Variants in BBS12 observed in about 807,000 individuals in gnomAD.
The protein encoded by BBS12 is chaperonin-containing T-complex member BBS12.
In BBS12, 5 loss-of-function variants were observed where a neutral mutation model predicts 5.6. That is an observed-to-expected ratio of 0.89 (90% CI 0.46 to 1.86). The LOEUF (loss-of-function observed/expected upper bound fraction) is 1.86. Ranked by LOEUF, BBS12 falls within the 40% of genes most tolerant of loss-of-function variation. The pLI is 0.01. For synonymous variants in BBS12, 308 were observed against 306.8 expected, an observed-to-expected ratio of 1.00 and a Z score of -0.04; for missense variants, 748 against 830.4, an observed-to-expected ratio of 0.90 and a Z score of 1.22.
rs767546051 is a variant in BBS12 at position 122,742,092 on chromosome 4, G to A, written c.200G>A (p.Gly67Glu). The change falls in exon 2 of 2, where the codon GGA becomes GAA. Residue 67 changes from glycine (G) to glutamate (E), a missense_variant. Physicochemically the swap from Gly to Glu is moderately conservative, Grantham distance 98. Transcript: ENST00000314218. ...AGTTTGGATTTAACCAGTGCAGTGG[G>A]ACAACTTCTCAATGAAGCAGTTCAA... ...LESLDLTSAV[G>E]QLLNEAVQAQ... 1.9e-5 allele frequency: 31 copies of A among 1,613,986 alleles called. No individual in the cohort carries two copies. Among genetic ancestry groups the A allele is most frequent in the Non-Finnish European group, 2.2e-5 (26 of 1,180,024 alleles).
At chr4:122,727,099 CA>C in the BBS12 span, among the ~76,000 whole-genome samples, 1 of 119,418 alleles carries the variant, frequency 8.4e-6, no homozygotes, top group Non-Finnish European at 1.7e-5. Flanking sequence ...GAAATAAAAA[CA>C]TTTTTTTAAA....
the BBS12 span, among the ~76,000 whole-genome samples, chr4:122,704,947 C>T: frequency 6.6e-6 from 1 of 152,160 alleles, no homozygotes; most frequent in African/African-American, 2.4e-5. Flanking sequence ...TTCTTCACAC[C>T]TTAACTTTGG....
chr4:122,706,584 A>G, the BBS12 span, among the ~76,000 whole-genome samples: 1 of 152,266 alleles, frequency 6.6e-6, no homozygotes, highest in Admixed American at 6.5e-5. Flanking sequence ...AAGAAAAAAA[A>G]ATTCCTAAGA....
In BBS12 at chr4:122,743,819, C is replaced by T; in HGVS notation, c.1927C>T (p.Leu643=). The change falls in exon 2 of 2, where the codon CTA becomes TTA. Residue 643 remains leucine, a synonymous_variant. Transcript: ENST00000314218. ...SSYILNEYSK[L]NSRIFNSDIS... The stretch of plus-strand genomic sequence containing the variant: ...TTACATCTTGAATGAATATAGTAAA[C>T]TAAATAGTAGAATTTTTAATTCAGA... 6.2e-7 allele frequency: 1 copy of T among 1,609,230 alleles called. No homozygotes were observed. Among genetic ancestry groups the T allele is most frequent in the South Asian group, 1.1e-5 (1 of 89,816 alleles).
In BBS12 at chr4:122,744,194, C is replaced by A; in HGVS notation, c.*169C>A. On this transcript the variant is annotated 3_prime_UTR_variant, in exon 2 of 2. Transcript: ENST00000314218. ...TCTGAGATTTTACCCTACTTATAAGCTAACAAGTTAGCCTGTTACTGTTTC... is the reference window on the plus strand; with the variant it reads ...TCTGAGATTTTACCCTACTTATAAGATAACAAGTTAGCCTGTTACTGTTTC... 1.4e-6 allele frequency: 1 copy of A among 713,128 alleles called. No individual in the cohort carries two copies. Among genetic ancestry groups the A allele is most frequent in the Non-Finnish European group, 2.3e-6 (1 of 426,334 alleles). 44.2% of individuals were successfully genotyped at this position (713,128 alleles called of 1,614,324 possible).
At chr4:122,728,407 A>T (rs1800652506), upstream of BBS12, 1 of 152,222 alleles carries the variant, frequency 6.6e-6, no homozygotes, top group Non-Finnish European at 1.5e-5. Context: ...CACAATGTGT[A>T]TAATATGCTA....
rs776730549 is a variant in BBS12 at position 122,743,466 on chromosome 4, G to C, written c.1574G>C (p.Arg525Pro). 6.2e-7 allele frequency: 1 copy of C among 1,614,094 alleles called. No individual in the cohort carries two copies. The highest frequency in any genetic ancestry group is 1.3e-5 in the African/African-American group (1 of 74,928). The change falls in exon 2 of 2, where the codon CGT becomes CCT. Residue 525 changes from arginine to proline, a missense_variant. Coordinates refer to ENST00000314218, the MANE Select transcript of BBS12 (RefSeq NM_152618.3). ...GATAGGTTCTGGACATGTGCCTATC[G>C]TTTGTATTATGCTCTAAAAGAGGAA... is the stretch of plus-strand genomic sequence containing the variant. The part of the protein sequence containing the change: ...KEDRFWTCAY[R>P]LYYALKEEKV...
chr4:122,707,715 G>A, the BBS12 span, among the ~76,000 whole-genome samples: 4 of 152,198 alleles, frequency 2.6e-5, no homozygotes, highest in Non-Finnish European at 5.9e-5. Context: ...TTAGAGGTAG[G>A]TAGAGATGGG....
chr4:122,743,184 G>A lies in BBS12; in HGVS notation c.1292G>A (p.Arg431Gln), dbSNP rs776216693. ...RLIEKCINSK[R>Q]LVIGSVNGSV... is the part of the protein sequence containing the mutation. ...ATTGAAAAATGTATAAACAGTAAGC[G>A]GTTGGTAATCGGCTCAGTGAATGGC... Residue 431 changes from arginine to glutamine, a missense_variant, in exon 2 of 2, where the codon CGG (arginine) becomes CAG (glutamine). By Grantham distance (43) the Arg-to-Gln change is conservative. Transcript: ENST00000314218. 5.6e-6 allele frequency: 9 copies of A among 1,614,156 alleles called. No homozygotes were observed. Among genetic ancestry groups the A allele is most frequent in the East Asian group, 4.5e-5 (2 of 44,880 alleles).
chr4:122,708,425 C>T, the BBS12 span, among the ~76,000 whole-genome samples: 1 of 152,122 alleles, frequency 6.6e-6, no homozygotes, highest in African/African-American at 2.4e-5. Flanking sequence ...AGTCCCTGGA[C>T]ACCAGCATAC....
rs1397714772 is a variant in BBS12 at position 122,742,154 on chromosome 4, CTT to C, written c.265_266del (p.Leu89ValfsTer11). 5.0e-6 allele frequency: 8 copies of C among 1,613,852 alleles called. No homozygotes were observed. Among genetic ancestry groups the C allele is most frequent in the Middle Eastern group, 3.3e-4 (2 of 6,084 alleles). On this transcript the variant is annotated frameshift_variant, in exon 2 of 2. Coordinates refer to ENST00000314218, the MANE Select transcript of BBS12 (RefSeq NM_152618.3). LOFTEE classifies it low-confidence loss of function (END_TRUNC). ...CACATATAGAACTGGAATCAGTACT[CTT>C]TTGTTTCTTGTTGGTGCTTGGAGCA... ...NNTYRTGIST[L>X]LFLVGAWSSA... is the part of the protein sequence containing the mutation.
At chr4:122,703,666 C>G in the BBS12 span, among the ~76,000 whole-genome samples, 1 of 152,190 alleles carries the variant, frequency 6.6e-6, no homozygotes, top group Admixed American at 6.5e-5. Flanking sequence ...GCATCCACTA[C>G]CCATTAACCT....
In BBS12 at chr4:122,744,601, C is replaced by A. The variant is rs993156530; in HGVS notation, c.*576C>A. On this transcript the variant is annotated 3_prime_UTR_variant, in exon 2 of 2. Coordinates refer to ENST00000314218, the MANE Select transcript of BBS12 (RefSeq NM_152618.3). Reference sequence around the variant, plus strand: ...GCCCATAGTGGATAGTCTCTTCCAACAGTCTGCTCCTCAGCCTGAGATGTT... The same window carrying A: ...GCCCATAGTGGATAGTCTCTTCCAAAAGTCTGCTCCTCAGCCTGAGATGTT... 1 of 167,444 alleles carries A rather than the reference C, an allele frequency of 6.0e-6. No homozygotes were observed. The highest frequency in any genetic ancestry group is 1.5e-5 in the Non-Finnish European group (1 of 68,398). 10.4% of individuals were successfully genotyped at this position (167,444 alleles called of 1,614,324 possible).
intron 1 of BBS12, among the ~76,000 whole-genome samples, chr4:122,735,498 G>A (rs1046631775): frequency 6.6e-6 from 1 of 152,094 alleles, no homozygotes; most frequent in African/African-American, 2.4e-5. Flanking sequence ...ATATGAAGGA[G>A]GAACTCTCAT....
At chr4:122,735,470 G>C (rs1414524442) in intron 1 of BBS12, among the ~76,000 whole-genome samples, 1 of 152,162 alleles carries the variant, frequency 6.6e-6, no homozygotes, top group Non-Finnish European at 1.5e-5. Flanking sequence ...TGCTTTTTCA[G>C]TGCTAATTCT....
At chr4:122,712,662 A>G in the BBS12 span, among the ~76,000 whole-genome samples, 2 of 152,224 alleles carry the variant, frequency 1.3e-5, no homozygotes, top group African/African-American at 4.8e-5. Flanking sequence ...ATTCAATCAT[A>G]TAAGACTTCT....
the BBS12 span, among the ~76,000 whole-genome samples, chr4:122,722,880 A>T: frequency 6.6e-6 from 1 of 152,150 alleles, no homozygotes; most frequent in Non-Finnish European, 1.5e-5. Flanking sequence ...ACTTCAGTAC[A>T]ATGTTGAATA....
At chr4:122,734,426 C>A (rs759979337) in intron 1 of BBS12, among the ~76,000 whole-genome samples, 1 of 152,090 alleles carries the variant, frequency 6.6e-6, no homozygotes, top group Admixed American at 6.6e-5. Flanking sequence ...CCACCGCGCC[C>A]GGCTAATTTT....
intron 1 of BBS12, among the ~76,000 whole-genome samples, chr4:122,738,206 A>G (rs1349436492): frequency 1.3e-5 from 2 of 152,160 alleles, no homozygotes; most frequent in Non-Finnish European, 2.9e-5. Flanking sequence ...TAGGTAAATT[A>G]GATTTCTAAT....
Sources: gnomAD v4.1 joint callset for allele counts (sites outside exome capture counted in the v4.1 genomes callset) on GRCh38, gnomAD v4.1.1 for gene constraint, MANE v1.5 for transcripts, NCBI Gene and HGNC (gene_info 2026-07-23, HGNC 2026-07-21) for gene names.